The following PCDH17 variants were observed in gnomAD, a reference collection of about 807,000 sequenced individuals.
PCDH17 encodes the protein protocadherin-17.
PCDH17 carries 21 observed loss-of-function variants against 67.7 expected under a neutral mutation model. The observed-to-expected ratio is 0.31, with a 90% CI of 0.22 to 0.45. PCDH17 has a LOEUF of 0.45. PCDH17 is among the 20% of genes least tolerant of loss of function. The probability of loss-of-function intolerance (pLI) is 1.00; values close to 1 mark genes in which losing one functional copy is unlikely to be tolerated. For missense variants in PCDH17, 1,471 were observed against 1,564.8 expected (o/e 0.94, Z 1.01); for synonymous variants, 701 against 656.7 (o/e 1.07, Z -1.03).
At position 57,726,741 on chromosome 13, in the gene PCDH17, T is replaced by C. The variant is rs1474978758; in HGVS notation, c.*1447T>C. The stretch of plus-strand genomic sequence containing the variant: ...TACCAATATCTGAAACTTCTTCATG[T>C]TTTTTCAATAACATACAGCTTCTGC... On this transcript the variant is annotated 3_prime_UTR_variant, in exon 4 of 4. Transcript: ENST00000377918. The C allele has an allele frequency of 1.3e-5, 2 of 152,316 alleles. No individual in the cohort carries two copies. The highest frequency in any genetic ancestry group is 4.8e-5 in the African/African-American group (2 of 41,478). 9.4% of individuals were successfully genotyped at this position (152,316 alleles called of 1,614,324 possible).
chr13:57,718,919 A>T (rs1281681185), intron 3 of PCDH17, among the ~76,000 whole-genome samples: 1 of 152,134 alleles, frequency 6.6e-6, no homozygotes, highest in Non-Finnish European at 1.5e-5. Flanking sequence ...TTAACAGAAA[A>T]CTATTACTGA....
At chr13:57,707,734 T>A (rs927117639) in intron 3 of PCDH17, among the ~76,000 whole-genome samples, 2 of 152,042 alleles carry the variant, frequency 1.3e-5, no homozygotes, top group African/African-American at 4.8e-5. Context: ...TGCTCTGTCT[T>A]ATAGTTCTAG....
chr13:57,655,687 G>A (rs1367087815), intron 1 of PCDH17, among the ~76,000 whole-genome samples: 1 of 151,782 alleles, frequency 6.6e-6, no homozygotes, highest in African/African-American at 2.4e-5. Context: ...TAATGTTATC[G>A]ATCAAAGAAA....
At position 57,729,089 on chromosome 13, in the gene PCDH17, T is replaced by A. The variant is rs1955934553; in HGVS notation, c.*3795T>A. ...TAAATATTATTGAATGAGACCTGATTAAAGTCTGACTTTCCTGGCCCCAGT... is the reference window on the plus strand; with the variant it reads ...TAAATATTATTGAATGAGACCTGATAAAAGTCTGACTTTCCTGGCCCCAGT... On this transcript the variant is annotated 3_prime_UTR_variant, in exon 4 of 4. Coordinates refer to ENST00000377918, the MANE Select transcript of PCDH17 (RefSeq NM_001040429.3). The A allele has an allele frequency of 6.6e-6, 1 of 152,142 alleles. No homozygotes were observed. The highest frequency in any genetic ancestry group is 1.5e-5 in the Non-Finnish European group (1 of 67,986). 9.4% of individuals were successfully genotyped at this position (152,142 alleles called of 1,614,324 possible). A position where few individuals can be genotyped will look rare whatever the true frequency, so the allele number is the denominator to read the frequency against.
At chr13:57,690,918 A>G (rs1010415287) in intron 3 of PCDH17, among the ~76,000 whole-genome samples, 9 of 151,510 alleles carry the variant, frequency 5.9e-5, no homozygotes, top group Middle Eastern at 3.2e-3. Flanking sequence ...ATAACCTTTG[A>G]AAATGATATC....
rs1954772580 is a variant in PCDH17 at position 57,633,841 on chromosome 13, G to A, written c.1295G>A (p.Arg432His). 6.2e-7 allele frequency: 1 copy of A among 1,612,652 alleles called. No individual in the cohort carries two copies. The highest frequency in any genetic ancestry group is 1.3e-5 in the African/African-American group (1 of 74,940). ...YTVVTDRPLD[R>H]ETQDEYNVTI... ...GTGGTGACTGACCGCCCGCTGGACCGCGAGACACAAGACGAGTACAACGTG... is the reference window on the plus strand; with the variant it reads ...GTGGTGACTGACCGCCCGCTGGACCACGAGACACAAGACGAGTACAACGTG... The change falls in exon 1 of 4, where the codon CGC becomes CAC. Residue 432 changes from arginine (R) to histidine (H), a missense_variant. Arg to His is a conservative substitution (Grantham distance 29, BLOSUM62 0). Coordinates refer to ENST00000377918, the MANE Select transcript of PCDH17 (RefSeq NM_001040429.3). The surrounding 1 kb of genome is among the most constrained non-coding windows in gnomAD (Gnocchi z 6.2).
intron 1 of PCDH17, among the ~76,000 whole-genome samples, chr13:57,646,763 A>G (rs1427382648): frequency 6.6e-6 from 1 of 151,834 alleles, no homozygotes; most frequent in Non-Finnish European, 1.5e-5. Flanking sequence ...AGATTATCCC[A>G]TGAATAAGAA....
Position 57,634,879 on chromosome 13 carries a change from A to G in PCDH17, c.2333A>G (p.Asn778Ser), listed in dbSNP as rs747998997. Reference sequence around the variant, plus strand: ...GTGCAGAGCGAAGTGGAGGAGAGGAACGCCATGAACGTCATGAACGTGGTG... The same window carrying G: ...GTGCAGAGCGAAGTGGAGGAGAGGAGCGCCATGAACGTCATGAACGTGGTG... The part of the protein sequence containing the change: ...MLVQSEVEER[N>S]AMNVMNVVSS... The change falls in exon 1 of 4, where the codon AAC (asparagine) becomes AGC (serine). Residue 778 changes from asparagine to serine, a missense_variant. Physicochemically the swap from Asn to Ser is conservative, Grantham distance 46 (BLOSUM62 1). Around this residue, in one of 3 missense-constraint regions of PCDH17, gnomAD observed 1,163 missense variants for 1,230.0 expected, o/e 0.95. Transcript: ENST00000377918. This position sits in a 1 kb window ranked among gnomAD's most constrained non-coding sequence, Gnocchi z 7.8. 2 of 1,614,030 alleles carry G rather than the reference A, an allele frequency of 1.2e-6. No individual in the cohort carries two copies. The highest frequency in any genetic ancestry group is 4.5e-5 in the East Asian group (2 of 44,850).
chr13:57,665,788 T>G (rs1055097602), intron 1 of PCDH17, among the ~76,000 whole-genome samples: 2 of 152,202 alleles, frequency 1.3e-5, no homozygotes, highest in African/African-American at 2.4e-5. Flanking sequence ...CTCAATGTCT[T>G]TATGCTCACG....
chr13:57,686,149 G>A (rs773384101), intron 3 of PCDH17, among the ~76,000 whole-genome samples: 1 of 151,764 alleles, frequency 6.6e-6, no homozygotes, highest in African/African-American at 2.4e-5. Context: ...ATAAATATTT[G>A]TTCATCAATT....
At position 57,725,324 on chromosome 13, in the gene PCDH17, T is replaced by A; in HGVS notation, c.*30T>A. The stretch of plus-strand genomic sequence containing the variant: ...AGAAAAAAAAAAAGGCATTGGCATT[T>A]TCTTGTCTCTTCTGTTGATTTAAAA... On this transcript the variant is annotated 3_prime_UTR_variant, in exon 4 of 4. Transcript: ENST00000377918. 6.4e-7 allele frequency: 1 copy of A among 1,552,216 alleles called. No homozygotes were observed.
intron 3 of PCDH17, among the ~76,000 whole-genome samples, chr13:57,699,448 G>A (rs1032370237): frequency 7.2e-5 from 11 of 152,002 alleles, no homozygotes; most frequent in Non-Finnish European, 1.2e-4. Flanking sequence ...TGCACATTAC[G>A]TTTCTCTCTC....
At chr13:57,710,545 TA>T (rs1040687911) in intron 3 of PCDH17, among the ~76,000 whole-genome samples, 20 of 151,878 alleles carry the variant, frequency 1.3e-4, no homozygotes, top group Middle Eastern at 3.4e-3. Flanking sequence ...AAAAATTAAG[TA>T]AAAAAACAGG....
At chr13:57,724,052 A>G (rs1276761071) in intron 3 of PCDH17, among the ~76,000 whole-genome samples, 1 of 152,184 alleles carries the variant, frequency 6.6e-6, no homozygotes, top group Non-Finnish European at 1.5e-5. Context: ...ACGTCCTGAT[A>G]AAAAATTCCA....
intron 3 of PCDH17, among the ~76,000 whole-genome samples, chr13:57,692,032 G>A (rs548649350): frequency 6.6e-6 from 1 of 151,266 alleles, no homozygotes; most frequent in Middle Eastern, 3.4e-3. Flanking sequence ...AGAACAGGAA[G>A]TTAAAATGCT....
chr13:57,668,630 T>C (rs1955283821), intron 3 of PCDH17, among the ~76,000 whole-genome samples: 1 of 152,056 alleles, frequency 6.6e-6, no homozygotes, highest in African/African-American at 2.4e-5. Context: ...AATTGAAGTC[T>C]AGGGAAGGTG....
intron 3 of PCDH17, among the ~76,000 whole-genome samples, chr13:57,720,583 A>G (rs1054711418): frequency 2.0e-5 from 3 of 151,952 alleles, no homozygotes; most frequent in Admixed American, 6.6e-5. Flanking sequence ...CCTGTGATTC[A>G]CCTGTATTTC....
At position 57,724,752 on chromosome 13, in the gene PCDH17, G is replaced by A; in HGVS notation, c.2938G>A (p.Ala980Thr). The change falls in exon 4 of 4, where the codon GCT (alanine) becomes ACT (threonine). Residue 980 changes from alanine (A) to threonine (T), a missense_variant. Transcript: ENST00000377918. ...AAATCTCTTTGTACCTACAGTTGAA[G>A]CTAATGTTGAGACTGAGACTTACGA... is the stretch of plus-strand genomic sequence containing the variant. ...RTNLFVPTVE[A>T]NVETETYETV... 1 of 1,614,156 alleles carries A rather than the reference G, an allele frequency of 6.2e-7. No homozygotes were observed. Among genetic ancestry groups the A allele is most frequent in the Non-Finnish European group, 8.5e-7 (1 of 1,180,024 alleles).
chr13:57,673,515 A>C (rs948193705), intron 3 of PCDH17, among the ~76,000 whole-genome samples: 1 of 152,000 alleles, frequency 6.6e-6, no homozygotes, highest in Admixed American at 6.6e-5. Context: ...AACCAAGAAC[A>C]TGAAGGTGAT....
Sources: allele counts gnomAD v4.1 joint callset (sites outside exome capture counted in the v4.1 genomes callset), GRCh38; gene constraint gnomAD v4.1.1; regional missense constraint gnomAD v4.1.1; non-coding constraint Gnocchi (gnomAD v3.1); transcripts MANE v1.5; gene names NCBI Gene and HGNC (gene_info 2026-07-23, HGNC 2026-07-21).